The following NCAPD3 variants were observed in gnomAD, a reference collection of about 807,000 sequenced individuals.
NCAPD3 encodes condensin-2 complex subunit D3.
NCAPD3 carries 105 observed loss-of-function variants against 182.9 expected under a neutral mutation model. That is an observed-to-expected ratio of 0.57 (90% CI 0.49 to 0.68). The LOEUF (loss-of-function observed/expected upper bound fraction) is 0.68, where lower values mean the gene tolerates loss of function less well. Among genes scored for constraint, NCAPD3 ranks in the 30% least tolerant of loss-of-function variants. The pLI is 0.00. For synonymous variants in NCAPD3, 815 were observed against 679.9 expected (o/e 1.20, Z -3.09); for missense variants, 1,944 against 1,837.0 (o/e 1.06, Z -1.07).
At chr11:134,171,169 C>T (rs1943997670) in intron 24 of NCAPD3, among the ~76,000 whole-genome samples, 1 of 152,148 alleles carries the variant, frequency 6.6e-6, no homozygotes, top group African/African-American at 2.4e-5. Context: ...CTCAGGACCA[C>T]CACTAGGAAC....
chr11:134,193,960 G>A, intron 15 of NCAPD3, 56 bp downstream of exon 15: 2 of 1,530,546 alleles, frequency 1.3e-6, no homozygotes, highest in Non-Finnish European at 8.9e-7. Context: ...TTATTGTGTG[G>A]AATTACTTTT....
intron 16 of NCAPD3, 130 bp from the exon 17 acceptor site, chr11:134,185,656 T>TA: frequency 1.6e-6 from 1 of 621,726 alleles, no homozygotes; most frequent in Non-Finnish European, 2.6e-6. Context: ...AACTTATATG[T>TA]AGACGTTCCT....
intron 19 of NCAPD3, among the ~76,000 whole-genome samples, chr11:134,182,115 C>T (rs1419840422): frequency 6.6e-6 from 1 of 152,164 alleles, no homozygotes; most frequent in Non-Finnish European, 1.5e-5. Flanking sequence ...TTCTGCAATT[C>T]TTATGCTTGA....
In NCAPD3 at chr11:134,202,807, C is replaced by G. The variant is rs1165421511; in HGVS notation, c.1615+9G>C. The G allele has an allele frequency of 6.3e-7, 1 of 1,582,742 alleles. No individual in the cohort carries two copies. Among genetic ancestry groups the G allele is most frequent in the Non-Finnish European group, 8.6e-7 (1 of 1,161,532 alleles). ...ATTACCTATCTGACAGTGATAAAAT[C>G]TGACATACCTCCAGATCCAACTGTT... On this transcript the variant is annotated intron_variant, in intron 13 of 34. Coordinates refer to ENST00000534548, the MANE Select transcript of NCAPD3 (RefSeq NM_015261.3).
At chr11:134,178,254 G>A (rs192697136) in intron 22 of NCAPD3, among the ~76,000 whole-genome samples, 161 of 152,242 alleles carry the variant, frequency 1.1e-3, no homozygotes, top group African/African-American at 3.5e-3. Flanking sequence ...GCCCGGCACA[G>A]AACAGACTTC....
chr11:134,168,704 C>A, intron 25 of NCAPD3, 102 bp from the exon 26 acceptor site: 1 of 1,500,696 alleles, frequency 6.7e-7, no homozygotes, highest in Admixed American at 1.8e-5. Context: ...GCCAAAGACT[C>A]CAGTGCACTA....
chr11:134,198,545 A>T (rs890588675), intron 13 of NCAPD3, among the ~76,000 whole-genome samples: 1 of 152,208 alleles, frequency 6.6e-6, no homozygotes, highest in African/African-American at 2.4e-5. Context: ...GGCCATGGTC[A>T]CTCACATTTG....
chr11:134,152,970 T>G lies in NCAPD3; in HGVS notation c.4471A>C (p.Lys1491Gln). 1 of 1,569,568 alleles carries G rather than the reference T, an allele frequency of 6.4e-7. No individual in the cohort carries two copies. The highest frequency in any genetic ancestry group is 8.6e-7 in the Non-Finnish European group (1 of 1,157,478). ...TAGTTGGCTGTTTTCAGAGGGGTCT[T>G]TCGGAGGGACCTCCTGCTGCAGGCT... is the stretch of plus-strand genomic sequence containing the variant. Reference protein sequence around the residue: ...TPACSRRSLRKTPLKTAN With the variant: ...TPACSRRSLRQTPLKTAN Residue 1491 changes from lysine (K) to glutamine (Q), a missense_variant, in exon 35 of 35, where the codon AAG becomes CAG. By Grantham distance (53) the Lys-to-Gln change is moderately conservative (BLOSUM62 1). Around this residue, in one of 3 missense-constraint regions of NCAPD3, gnomAD observed 1,803 missense variants for 1,674.6 expected, o/e 1.08. Transcript: ENST00000534548.
intron 27 of NCAPD3, among the ~76,000 whole-genome samples, chr11:134,162,726 T>G (rs1943623188): frequency 6.6e-6 from 1 of 152,220 alleles, no homozygotes; most frequent in Admixed American, 6.5e-5. Context: ...TCTTAAGAAG[T>G]GGCTTCCATG....
intron 26 of NCAPD3, 107 bp downstream of exon 26, chr11:134,168,362 C>T: frequency 5.2e-6 from 8 of 1,534,576 alleles, no homozygotes; most frequent in Admixed American, 1.7e-5. Flanking sequence ...TGACAGGGGT[C>T]TTCCTGCAGT....
At chr11:134,168,246 C>T in intron 26 of NCAPD3, 51 bp from the exon 27 acceptor site, 1 of 1,561,046 alleles carries the variant, frequency 6.4e-7, no homozygotes, top group Non-Finnish European at 8.8e-7. Flanking sequence ...ATGCTCTGGC[C>T]CAGAGAGGAG....
rs1034604341 is a variant in NCAPD3 at position 134,152,672 on chromosome 11, T to C, written c.*272A>G. The C allele has an allele frequency of 9.0e-6, 3 of 334,058 alleles. No homozygotes were observed. The highest frequency in any genetic ancestry group is 1.6e-5 in the Non-Finnish European group (3 of 185,166). The allele number at this position is 334,058 out of a possible 1,614,324, so 20.7% of individuals were successfully genotyped here. On this transcript the variant is annotated 3_prime_UTR_variant, in exon 35 of 35. Coordinates refer to ENST00000534548, the MANE Select transcript of NCAPD3 (RefSeq NM_015261.3). ...CAGATTATAGCTTATCTGAATGGGCTTGACACTTTCAAATGGAATAAAGTT... is the reference window on the plus strand; with the variant it reads ...CAGATTATAGCTTATCTGAATGGGCCTGACACTTTCAAATGGAATAAAGTT...
At chr11:134,195,110 T>C (rs905711213) in intron 13 of NCAPD3, among the ~76,000 whole-genome samples, 1 of 152,148 alleles carries the variant, frequency 6.6e-6, no homozygotes, top group Non-Finnish European at 1.5e-5. Flanking sequence ...GAAGACATTT[T>C]TTTATAAGAG....
chr11:134,176,199 C>G (rs947218960), intron 24 of NCAPD3, 108 bp downstream of exon 24: 1 of 935,106 alleles, frequency 1.1e-6, no homozygotes. Flanking sequence ...CTACCGAAAG[C>G]TCACTAAATC....
At chr11:134,157,272 A>G (rs986722553) in intron 31 of NCAPD3, among the ~76,000 whole-genome samples, 177 bp from the exon 32 acceptor site, 7 of 152,172 alleles carry the variant, frequency 4.6e-5, no homozygotes, top group African/African-American at 1.7e-4. Context: ...ATGAGAAAAA[A>G]TGTCCATTCT....
chr11:134,155,378 T>C (rs1288392864), intron 32 of NCAPD3, among the ~76,000 whole-genome samples: 1 of 151,958 alleles, frequency 6.6e-6, no homozygotes, highest in African/African-American at 2.4e-5. Context: ...ATCTAACAGT[T>C]CTCCCAGGAA....
In NCAPD3 at chr11:134,172,875, C is replaced by A. The variant is rs936150397; in HGVS notation, c.3101+3432G>T. On this transcript the variant is annotated intron_variant, in intron 24 of 34. Transcript: ENST00000534548. ...AATGCTACAAAAAATAAAACATTAG[C>A]TAACTATTTGGGAGGATGAGGTGGG... is the stretch of plus-strand genomic sequence containing the variant. Among the ~76,000 whole-genome samples, 3 of 149,230 alleles carry A rather than the reference C, an allele frequency of 2.0e-5. No homozygotes were observed. The Admixed American group carries it at 2.0e-4, about 10-fold the overall frequency.
intron 29 of NCAPD3, 132 bp downstream of exon 29, chr11:134,159,760 C>T (rs1351656545): frequency 4.3e-6 from 4 of 927,780 alleles, no homozygotes; most frequent in African/African-American, 3.3e-5. Context: ...GGCCAACAAG[C>T]AGCACTCTCG....
At position 134,185,457 on chromosome 11, in the gene NCAPD3, ATTGTTTATAAAAGT is replaced by A; in HGVS notation, c.2101_2114del (p.Thr701CysfsTer66). ...GTTCCGTGCCAGTGTGAGATATTAC[ATTGTTTATAAAAGT>A]GGGTGAGAATTTTTCTTTCTTGGAC... On this transcript the variant is annotated frameshift_variant, in exon 17 of 35. Coordinates refer to ENST00000534548, the MANE Select transcript of NCAPD3 (RefSeq NM_015261.3). LOFTEE classifies it high-confidence loss of function. 6.2e-7 allele frequency: 1 copy of A among 1,613,810 alleles called. No homozygotes were observed. The highest frequency in any genetic ancestry group is 8.5e-7 in the Non-Finnish European group (1 of 1,179,840).
Sources: gnomAD v4.1 joint callset for allele counts (sites outside exome capture counted in the v4.1 genomes callset) on GRCh38, gnomAD v4.1.1 for gene constraint, gnomAD v4.1.1 regional missense constraint, MANE v1.5 for transcripts, NCBI Gene and HGNC (gene_info 2026-07-23, HGNC 2026-07-21) for gene names.